The following GRAP2 variants were observed in gnomAD, a reference collection of about 807,000 sequenced individuals.
The protein encoded by GRAP2 is GRB2 related adaptor protein 2.
In GRAP2, 31 loss-of-function variants were observed where a neutral mutation model predicts 43.5. The observed-to-expected ratio is 0.71, with a 90% CI of 0.54 to 0.96. GRAP2 has a LOEUF of 0.96. Ranked by LOEUF, GRAP2 falls within the 40% of genes least tolerant of loss-of-function variation. GRAP2 has a pLI of 0.00. For missense variants in GRAP2, 371 were observed against 424.4 expected (o/e 0.87, Z 1.11); for synonymous variants, 156 against 164.8 (o/e 0.95, Z 0.41).
At chr22:39,955,632 T>C (rs570505382) in intron 2 of GRAP2, among the ~76,000 whole-genome samples, 187 bp from the exon 3 acceptor site, 155 of 152,278 alleles carry the variant, frequency 1.0e-3, no homozygotes, top group African/African-American at 3.6e-3. Context: ...AGAAGCTGAC[T>C]CCAAAGGTAA....
chr22:39,965,061 A>C (rs1366560438), intron 4 of GRAP2, among the ~76,000 whole-genome samples: 1 of 152,180 alleles, frequency 6.6e-6, no homozygotes, highest in Admixed American at 6.5e-5. Context: ...TGGAGAAGTA[A>C]GGCTAAACAA....
chr22:39,911,057 C>T (rs1486265923), intron 1 of GRAP2, among the ~76,000 whole-genome samples: 2 of 152,174 alleles, frequency 1.3e-5, no homozygotes, highest in Non-Finnish European at 2.9e-5. Context: ...GCCATTTCCT[C>T]CTTGCGGTGA....
At chr22:39,938,724 T>G (rs2066832896) in intron 1 of GRAP2, among the ~76,000 whole-genome samples, 1 of 152,244 alleles carries the variant, frequency 6.6e-6, no homozygotes, top group South Asian at 2.1e-4. Flanking sequence ...TCACCTGTCA[T>G]CGGAGACAGC....
chr22:39,954,121 A>G (rs1313709101), intron 2 of GRAP2, among the ~76,000 whole-genome samples: 1 of 152,214 alleles, frequency 6.6e-6, no homozygotes, highest in African/African-American at 2.4e-5. Context: ...TGCCAAGGCA[A>G]GTGGTCTCTC....
intron 1 of GRAP2, among the ~76,000 whole-genome samples, chr22:39,934,768 A>G (rs1052562314): frequency 6.6e-6 from 1 of 152,120 alleles, no homozygotes; most frequent in African/African-American, 2.4e-5. Flanking sequence ...CTACTCGGGA[A>G]GCTGAGGCAG....
chr22:39,915,898 G>A (rs1208110100), intron 1 of GRAP2, among the ~76,000 whole-genome samples: 1 of 152,114 alleles, frequency 6.6e-6, no homozygotes, highest in Non-Finnish European at 1.5e-5. Flanking sequence ...AACAAGCTAG[G>A]GGCCTCTCAA....
At chr22:39,926,317 A>G (rs553519222) in intron 1 of GRAP2, among the ~76,000 whole-genome samples, 76 of 152,210 alleles carry the variant, frequency 5.0e-4, no homozygotes, top group Non-Finnish European at 8.8e-4. Context: ...CAAATTATGC[A>G]TGCATAAATT....
At chr22:39,963,594 C>CTT (rs2067140631) in intron 4 of GRAP2, among the ~76,000 whole-genome samples, 1 of 152,164 alleles carries the variant, frequency 6.6e-6, no homozygotes. Flanking sequence ...CACCCGAAAT[C>CTT]AGTCAAGCAA....
At chr22:39,908,768 G>T (rs2066539507) in intron 1 of GRAP2, among the ~76,000 whole-genome samples, 1 of 152,178 alleles carries the variant, frequency 6.6e-6, no homozygotes, top group African/African-American at 2.4e-5. Context: ...TTGGGCCCCT[G>T]TGTCTCAGTC....
chr22:39,902,687 A>C (rs5757805), intron 1 of GRAP2, among the ~76,000 whole-genome samples: 3 of 152,342 alleles, frequency 2.0e-5, no homozygotes, highest in East Asian at 3.9e-4. Flanking sequence ...GGAGATGATC[A>C]ATCTATTCAA....
intron 2 of GRAP2, among the ~76,000 whole-genome samples, chr22:39,952,491 T>C (rs2066996217): frequency 6.6e-6 from 1 of 152,212 alleles, no homozygotes; most frequent in Non-Finnish European, 1.5e-5. Context: ...CAGTGTGCTC[T>C]TGTGTTTTTA....
chr22:39,965,170 A>C (rs980417623), intron 4 of GRAP2, among the ~76,000 whole-genome samples: 20 of 152,242 alleles, frequency 1.3e-4, no homozygotes, highest in African/African-American at 4.8e-4. Flanking sequence ...CAGGTGGATC[A>C]CCGGAGGTCT....
At position 39,970,955 on chromosome 22, in the gene GRAP2, C is replaced by T. The variant is rs751156654; in HGVS notation, c.864C>T (p.Asp288=). Residue 288 remains aspartate (D), a synonymous_variant, in exon 8 of 8, where the codon GAC becomes GAT. Transcript: ENST00000344138. ...ALYDFEALED[D]ELGFHSGEVV... ...ATGACTTTGAGGCCCTGGAGGATGACGAGCTGGGGTTCCACAGCGGGGAGG... is the reference window on the plus strand; with the variant it reads ...ATGACTTTGAGGCCCTGGAGGATGATGAGCTGGGGTTCCACAGCGGGGAGG... 2.2e-5 allele frequency: 36 copies of T among 1,613,224 alleles called. No homozygotes were observed. The East Asian group carries it at 4.9e-4, about 22-fold the overall frequency.
chr22:39,932,720 A>T (rs2145608800), intron 1 of GRAP2, among the ~76,000 whole-genome samples: 1 of 151,242 alleles, frequency 6.6e-6, no homozygotes, highest in Non-Finnish European at 1.5e-5. Context: ...CTGTCTCAAA[A>T]AAAAAAAAAA....
chr22:39,945,140 C>T (rs1420422982), intron 1 of GRAP2, among the ~76,000 whole-genome samples: 1 of 152,146 alleles, frequency 6.6e-6, no homozygotes, highest in Admixed American at 6.5e-5. Context: ...GTGGGTCGTC[C>T]TAGGTCACAA....
intron 4 of GRAP2, among the ~76,000 whole-genome samples, chr22:39,965,097 C>T (rs1215473591): frequency 6.6e-6 from 1 of 152,174 alleles, no homozygotes; most frequent in Admixed American, 6.5e-5. Flanking sequence ...CCAATTAAAA[C>T]TCTATCATTT....
intron 7 of GRAP2, 69 bp from the exon 8 acceptor site, chr22:39,970,836 G>T: frequency 2.2e-6 from 3 of 1,339,902 alleles, no homozygotes; most frequent in Non-Finnish European, 3.1e-6. Context: ...GGTGGGAGGA[G>T]CCAGCAGACC....
chr22:39,944,111 T>C (rs2145631201), intron 1 of GRAP2, among the ~76,000 whole-genome samples: 1 of 152,302 alleles, frequency 6.6e-6, no homozygotes, highest in East Asian at 1.9e-4. Context: ...CCCCCACAAC[T>C]CTGTCTAAAT....
intron 1 of GRAP2, among the ~76,000 whole-genome samples, chr22:39,938,552 C>T (rs375564734): frequency 1.4e-4 from 21 of 152,206 alleles, no homozygotes; most frequent in South Asian, 1.0e-3. Flanking sequence ...GCAGGAGGGG[C>T]CCTGGCAGAG....
Sources: allele counts gnomAD v4.1 joint callset (sites outside exome capture counted in the v4.1 genomes callset), GRCh38; gene constraint gnomAD v4.1.1; transcripts MANE v1.5; gene names NCBI Gene and HGNC (gene_info 2026-07-23, HGNC 2026-07-21).